Variants in SLC4A8 observed in about 807,000 individuals in gnomAD.
The protein encoded by SLC4A8 is electroneutral sodium bicarbonate exchanger 1.
Under a neutral mutation model 125.0 loss-of-function variants are expected in SLC4A8, and 40 were observed. That is an observed-to-expected ratio of 0.32 (90% CI 0.25 to 0.42). The LOEUF is 0.42. SLC4A8 is among the 10% of genes least tolerant of loss of function. The pLI, the probability that SLC4A8 is intolerant of heterozygous loss-of-function variation, is 1.00. For synonymous variants in SLC4A8, 456 were observed against 476.0 expected, an observed-to-expected ratio of 0.96 and a Z score of 0.55; for missense variants, 863 against 1,355.1, an observed-to-expected ratio of 0.64 and a Z score of 5.70.
At chr12:51,495,516 C>A (rs1951440194) in intron 21 of SLC4A8, among the ~76,000 whole-genome samples, 2 of 104,528 alleles carry the variant, frequency 1.9e-5, no homozygotes, top group Non-Finnish European at 3.7e-5. Context: ...ACTCTTGTTA[C>A]CCAGGCTGGA....
chr12:51,495,265 C>A, intron 21 of SLC4A8, 147 bp downstream of exon 21: 1 of 666,026 alleles, frequency 1.5e-6, no homozygotes, highest in Non-Finnish European at 2.5e-6. Flanking sequence ...TACCACCCTC[C>A]AGCTCTGGAA....
At chr12:51,439,263 G>A (rs2138117605) in intron 1 of SLC4A8, among the ~76,000 whole-genome samples, 1 of 152,196 alleles carries the variant, frequency 6.6e-6, no homozygotes, top group Admixed American at 6.5e-5. Context: ...CACCATGTTG[G>A]TCAGGCCAGT....
At chr12:51,470,598 C>A in intron 13 of SLC4A8, 73 bp downstream of exon 13, 1 of 1,361,608 alleles carries the variant, frequency 7.3e-7, no homozygotes, top group Non-Finnish European at 1.0e-6. Context: ...TGTCAGGGTT[C>A]TACTCAGTAC....
chr12:51,421,035 T>C (rs919736201), upstream of SLC4A8, among the ~76,000 whole-genome samples: 1 of 152,218 alleles, frequency 6.6e-6, no homozygotes, highest in Non-Finnish European at 1.5e-5. Context: ...TGTGTGTGTG[T>C]GCATGTGTTG....
At chr12:51,456,156 C>G (rs1422067734) in intron 5 of SLC4A8, among the ~76,000 whole-genome samples, 1 of 151,678 alleles carries the variant, frequency 6.6e-6, no homozygotes, top group East Asian at 1.9e-4. Context: ...AATTTTTCTT[C>G]TGATAACTTT....
chr12:51,424,995 C>T lies in SLC4A8; in HGVS notation c.8C>T (p.Ala3Val), dbSNP rs1343713616. Residue 3 changes from alanine to valine, a missense_variant, in exon 1 of 25, where the codon GCC (alanine) becomes GTC (valine). This residue lies in a region of SLC4A8 where 104 missense variants were observed against 116.4 expected (regional missense o/e 0.89). Coordinates refer to ENST00000453097, the MANE Select transcript of SLC4A8 (RefSeq NM_001039960.3). MP[A>V]AGSNEPDGVL... Reference sequence around the variant, plus strand: ...ACCTAGTTCGGCTCCGCCATGCCGGCCGCCGGGAGTAACGAGCCGGACGGC... The same window carrying T: ...ACCTAGTTCGGCTCCGCCATGCCGGTCGCCGGGAGTAACGAGCCGGACGGC... 11 of 1,554,810 alleles carry T rather than the reference C, an allele frequency of 7.1e-6. No individual in the cohort carries two copies. The highest frequency in any genetic ancestry group is 9.6e-6 in the Non-Finnish European group (11 of 1,149,742).
intron 9 of SLC4A8, chr12:51,461,884 TTTGA>T (rs146733122): frequency 0.064 from 12,738 of 200,208 alleles, 607 homozygotes; most frequent in East Asian, 0.21. Context: ...ATCAGCTTTC[TTTGA>T]TTGAGAGGCT....
chr12:51,446,555 A>G (rs1394831673), intron 2 of SLC4A8, among the ~76,000 whole-genome samples: 1 of 152,022 alleles, frequency 6.6e-6, no homozygotes, highest in Non-Finnish European at 1.5e-5. Context: ...GAAAAGAAGA[A>G]GATAAAGAGT....
chr12:51,400,799 C>CATATATGTTTATAT (rs1565749388), intron 1 of SLC4A8, among the ~76,000 whole-genome samples: 1 of 89,300 alleles, frequency 1.1e-5, no homozygotes, highest in Non-Finnish European at 2.1e-5. Context: ...CACACACACA[C>CATATATGTTTATAT]ACATATATAA....
chr12:51,494,075 G>A (rs1951393536), intron 20 of SLC4A8, among the ~76,000 whole-genome samples: 1 of 152,158 alleles, frequency 6.6e-6, no homozygotes, highest in Middle Eastern at 3.2e-3. Flanking sequence ...CCAGGTGCTA[G>A]TAAACTTGGA....
chr12:51,446,672 A>G (rs181982937), intron 2 of SLC4A8, among the ~76,000 whole-genome samples: 1 of 152,346 alleles, frequency 6.6e-6, no homozygotes, highest in East Asian at 1.9e-4. Context: ...CCTGGTGAGT[A>G]CTTTATTTGT....
At position 51,475,095 on chromosome 12, in the gene SLC4A8, T is replaced by C. The variant is rs1421758939; in HGVS notation, c.2061T>C (p.His687=). The change falls in exon 16 of 25, where the codon CAT becomes CAC. Residue 687 remains histidine (H), a synonymous_variant. Transcript: ENST00000453097. ...TCATGGGATCTGCGTGCGGCCATCA[T>C]GGACCCTACACTCCTGATGTCCTCT... ...GEFMGSACGH[H]GPYTPDVLFW... is the part of the protein sequence containing the mutation. 1.2e-6 allele frequency: 2 copies of C among 1,613,920 alleles called. No individual in the cohort carries two copies. Among genetic ancestry groups the C allele is most frequent in the Non-Finnish European group, 1.7e-6 (2 of 1,179,814 alleles).
intron 1 of SLC4A8, among the ~76,000 whole-genome samples, chr12:51,437,509 C>T (rs1949457747): frequency 6.6e-6 from 1 of 152,132 alleles, no homozygotes; most frequent in African/African-American, 2.4e-5. Context: ...AGTCTGGGCC[C>T]TCCCCTCTCT....
At chr12:51,504,648 G>T (rs1179488820) in intron 23 of SLC4A8, among the ~76,000 whole-genome samples, 1 of 152,182 alleles carries the variant, frequency 6.6e-6, no homozygotes, top group East Asian at 1.9e-4. Context: ...AGCCTAGTAG[G>T]CATGAAATCC....
chr12:51,414,522 A>G (rs900257709), intron 1 of SLC4A8, among the ~76,000 whole-genome samples: 42 of 152,268 alleles, frequency 2.8e-4, no homozygotes, highest in African/African-American at 9.4e-4. Context: ...AAGCCTAGGC[A>G]GGAGGATCAC....
intron 11 of SLC4A8, chr12:51,469,036 C>T (rs886627767): frequency 6.6e-6 from 1 of 152,664 alleles, no homozygotes; most frequent in Non-Finnish European, 1.5e-5. Context: ...CTGTCTCCTG[C>T]ACTAGACTTG....
intron 1 of SLC4A8, among the ~76,000 whole-genome samples, chr12:51,429,790 T>G (rs1949125987): frequency 6.6e-6 from 1 of 152,004 alleles, no homozygotes; most frequent in South Asian, 2.1e-4. Flanking sequence ...ATTATAGGCA[T>G]GACCACCACG....
At chr12:51,485,740 C>T in intron 16 of SLC4A8, 47 bp from the exon 17 acceptor site, 1 of 1,024,138 alleles carries the variant, frequency 9.8e-7, no homozygotes, top group Non-Finnish European at 1.5e-6. Flanking sequence ...CTCTTTTCTA[C>T]TGTATTTAAC....
intron 1 of SLC4A8, among the ~76,000 whole-genome samples, chr12:51,400,784 A>ATG (rs1948370966): frequency 6.1e-3 from 6 of 990 alleles, no homozygotes; most frequent in Non-Finnish European, 0.012. Context: ...ATATACATAC[A>ATG]TACACACACA....
Sources: allele counts gnomAD v4.1 joint callset (sites outside exome capture counted in the v4.1 genomes callset), GRCh38; gene constraint gnomAD v4.1.1; regional missense constraint gnomAD v4.1.1; transcripts MANE v1.5; gene names NCBI Gene and HGNC (gene_info 2026-07-23, HGNC 2026-07-21).